BHLHE41: variants seen among roughly 807,000 people sequenced by gnomAD.
The protein encoded by BHLHE41 is class E basic helix-loop-helix protein 41.
Under a neutral mutation model 24.0 loss-of-function variants are expected in BHLHE41, and 14 were observed. The ratio of observed to expected loss-of-function variants is 0.58; its 90% CI spans 0.39 to 0.91. The LOEUF (loss-of-function observed/expected upper bound fraction) is 0.91. Ranked by LOEUF, BHLHE41 falls within the 40% of genes least tolerant of loss-of-function variation. BHLHE41 has a pLI of 0.00. For synonymous variants in BHLHE41, 394 were observed against 315.5 expected (o/e 1.25, Z -2.64); for missense variants, 674 against 655.4 (o/e 1.03, Z -0.31).
In BHLHE41 at chr12:26,122,142, G is replaced by T. The variant is rs1222562481; in HGVS notation, c.1373C>A (p.Ala458Asp). 6.5e-7 allele frequency: 1 copy of T among 1,548,636 alleles called. No individual in the cohort carries two copies. Among genetic ancestry groups the T allele is most frequent in the Admixed American group, 2.0e-5 (1 of 50,916 alleles). ...HPHGRTHLPFAGPREPGNPES... is the reference protein window; with the variant it reads ...HPHGRTHLPFDGPREPGNPES... ...CGGGTTCCCCGGCTCGCGGGGCCCGGCGAAGGGCAGGTGGGTGCGGCCGTG... is the reference window on the plus strand; with the variant it reads ...CGGGTTCCCCGGCTCGCGGGGCCCGTCGAAGGGCAGGTGGGTGCGGCCGTG... Residue 458 changes from alanine to aspartate, a missense_variant, in exon 5 of 5, where the codon GCC (alanine) becomes GAC (aspartate). This residue lies in a region of BHLHE41 where 602 missense variants were observed against 570.8 expected (regional missense o/e 1.05). Coordinates refer to ENST00000242728, the MANE Select transcript of BHLHE41 (RefSeq NM_030762.3).
Position 26,122,949 on chromosome 12 carries a change from C to A in BHLHE41, c.566G>T (p.Gly189Val), listed in dbSNP as rs748033209. 1.3e-6 allele frequency: 2 copies of A among 1,556,402 alleles called. No individual in the cohort carries two copies. Among genetic ancestry groups the A allele is most frequent in the African/African-American group, 2.7e-5 (2 of 73,340 alleles). ...CCCGGCGGCCGAGGGAGCGCCGGTG[C>A]CTTTGCTCAGAGGGACCTGTTGAGT... ...LLTQQVPLSK[G>V]TGAPSAAGSA... Residue 189 changes from glycine (G) to valine (V), a missense_variant, in exon 5 of 5, where the codon GGC becomes GTC. Physicochemically the swap from Gly to Val is moderately radical, Grantham distance 109. Coordinates refer to ENST00000242728, the MANE Select transcript of BHLHE41 (RefSeq NM_030762.3).
chr12:26,123,396 C>G (rs1198438689), intron 4 of BHLHE41, among the ~76,000 whole-genome samples: 1 of 152,064 alleles, frequency 6.6e-6, no homozygotes, highest in South Asian at 2.1e-4. Flanking sequence ...CAAAGTGGAG[C>G]GGGTGCAACC....
At position 26,120,897 on chromosome 12, in the gene BHLHE41, C is replaced by G. The variant is rs1944298007; in HGVS notation, c.*1169G>C. 1 of 152,604 alleles carries G rather than the reference C, an allele frequency of 6.6e-6. No individual in the cohort carries two copies. The highest frequency in any genetic ancestry group is 6.5e-5 in the Admixed American group (1 of 15,286). The allele number at this position is 152,604 out of a possible 1,614,324, so 9.5% of individuals were successfully genotyped here. A position where few individuals can be genotyped will look rare whatever the true frequency, so the allele number is the denominator to read the frequency against. The stretch of plus-strand genomic sequence containing the variant: ...GTGATTATCTGGTATCTGGTTTGGT[C>G]TCCAGAAAATACATAGACTTGGAGA... On this transcript the variant is annotated 3_prime_UTR_variant, in exon 5 of 5. Coordinates refer to ENST00000242728, the MANE Select transcript of BHLHE41 (RefSeq NM_030762.3).
intron 3 of BHLHE41, 57 bp downstream of exon 3, chr12:26,124,015 C>T (rs1944339277): frequency 8.5e-7 from 1 of 1,171,084 alleles, no homozygotes; most frequent in East Asian, 2.3e-5. Flanking sequence ...CTGGGAGTCG[C>T]ACCAGACTAT....
chr12:26,123,669 T>C lies in BHLHE41; in HGVS notation c.307A>G (p.Thr103Ala). ...ATTATCTTCTGATGCTGTTGCTCGG[T>C]TAAGGCGGTTAAAGCTTTTAAGTGT... is the stretch of plus-strand genomic sequence containing the variant. ...LKHLKALTALTEQQHQKIIAL... is the reference protein window; with the variant it reads ...LKHLKALTALAEQQHQKIIAL... The change falls in exon 4 of 5, where the codon ACC (threonine) becomes GCC (alanine). Residue 103 changes from threonine to alanine, a missense_variant. By Grantham distance (58) the Thr-to-Ala change is moderately conservative. Transcript: ENST00000242728. 6.2e-7 allele frequency: 1 copy of C among 1,614,140 alleles called. No homozygotes were observed. Among genetic ancestry groups the C allele is most frequent in the Non-Finnish European group, 8.5e-7 (1 of 1,179,950 alleles).
Position 26,124,502 on chromosome 12 carries a change from C to G in BHLHE41, c.126+17G>C, listed in dbSNP as rs148798085. On this transcript the variant is annotated intron_variant, in intron 2 of 4. Transcript: ENST00000242728. ...TACCCATGCAGGTTATGAGGAATAT[C>G]GGGAACTTACACTTACCTTGGTGTC... The G allele has an allele frequency of 1.4e-5, 23 of 1,611,556 alleles. No homozygotes were observed. The highest frequency in any genetic ancestry group is 8.3e-5 in the Admixed American group (5 of 59,980).
At position 26,123,727 on chromosome 12, in the gene BHLHE41, C is replaced by T. The variant is rs1944336133; in HGVS notation, c.249G>A (p.Leu83=). The T allele has an allele frequency of 1.2e-6, 2 of 1,612,998 alleles. No homozygotes were observed. The highest frequency in any genetic ancestry group is 1.7e-6 in the Non-Finnish European group (2 of 1,179,096). ...EHLKLTTLGH[L]EKAVVLELTL... is the part of the protein sequence containing the mutation. ...TTAATTCCAAGACTACAGCTTTCTC[C>T]AGATGTCCCAGAGTCTGCAGTGGTG... is the stretch of plus-strand genomic sequence containing the variant. Residue 83 remains leucine, a synonymous_variant, in exon 4 of 5, where the codon CTG becomes CTA. Transcript: ENST00000242728.
In BHLHE41 at chr12:26,122,197, G is replaced by C. The variant is rs1017834755; in HGVS notation, c.1318C>G (p.Pro440Ala). Reference sequence around the variant, plus strand: ...TGCTGGGGGTGCGGCGCCCCAAGGGGCGCCACCTCGTGCGGCAGGAGGGTC... The same window carrying C: ...TGCTGGGGGTGCGGCGCCCCAAGGGCCGCCACCTCGTGCGGCAGGAGGGTC... ...AATLLPHEVA[P>A]LGAPHPQHPH... The change falls in exon 5 of 5, where the codon CCC becomes GCC. Residue 440 changes from proline (P) to alanine (A), a missense_variant. By Grantham distance (27) the Pro-to-Ala change is conservative (BLOSUM62 -1). Around this residue, in one of 3 missense-constraint regions of BHLHE41, gnomAD observed 602 missense variants for 570.8 expected, o/e 1.05. Transcript: ENST00000242728. 5.7e-6 allele frequency: 8 copies of C among 1,404,808 alleles called. No individual in the cohort carries two copies. The highest frequency in any genetic ancestry group is 2.9e-5 in the East Asian group (1 of 34,036). The allele number at this position is 1,404,808 out of a possible 1,614,324, so 87.0% of individuals were successfully genotyped here.
Position 26,122,721 on chromosome 12 carries a change from A to C in BHLHE41, c.794T>G (p.Ile265Ser). The change falls in exon 5 of 5, where the codon ATC becomes AGC. Residue 265 changes from isoleucine to serine, a missense_variant. By Grantham distance (142) the Ile-to-Ser change is moderately radical (BLOSUM62 -2). Around this residue, in one of 3 missense-constraint regions of BHLHE41, gnomAD observed 602 missense variants for 570.8 expected, o/e 1.05. Transcript: ENST00000242728. ...GKGAGASRVT[I>S]KQEPPGEDSP... ...GTCCTCCCCGGGAGGCTCCTGCTTG[A>C]TGGTGACGCGGCTCGCCCCCGCGCC... 1 of 1,590,346 alleles carries C rather than the reference A, an allele frequency of 6.3e-7. No homozygotes were observed. Among genetic ancestry groups the C allele is most frequent in the Non-Finnish European group, 8.5e-7 (1 of 1,173,102 alleles).
Position 26,122,800 on chromosome 12 carries a change from C to A in BHLHE41, c.715G>T (p.Asp239Tyr). The A allele has an allele frequency of 6.3e-7, 1 of 1,593,078 alleles. No individual in the cohort carries two copies. Among genetic ancestry groups the A allele is most frequent in the Non-Finnish European group, 8.5e-7 (1 of 1,174,888 alleles). ...ELAAENDTDT[D>Y]SGYGGEAEAR... ...TCGGCTTCGCCGCCGTAGCCGCTGT[C>A]GGTGTCCGTGTCGTTCTCGGCGGCG... The change falls in exon 5 of 5, where the codon GAC (aspartate) becomes TAC (tyrosine). Residue 239 changes from aspartate (D) to tyrosine (Y), a missense_variant. Coordinates refer to ENST00000242728, the MANE Select transcript of BHLHE41 (RefSeq NM_030762.3).
At position 26,122,457 on chromosome 12, in the gene BHLHE41, A is replaced by G; in HGVS notation, c.1058T>C (p.Phe353Ser). The G allele has an allele frequency of 1.5e-6, 2 of 1,353,718 alleles. No individual in the cohort carries two copies. The highest frequency in any genetic ancestry group is 1.6e-5 in the South Asian group (1 of 61,428). 83.9% of individuals were successfully genotyped at this position (1,353,718 alleles called of 1,614,324 possible). ...AAAPFCLPFC[F>S]LSPSAAAAYV... ...GGCGGCAGCTGCAGAAGGCGAGAGG[A>G]AGCAGAAGGGCAGGCAGAAGGGGGC... is the stretch of plus-strand genomic sequence containing the variant. The change falls in exon 5 of 5, where the codon TTC becomes TCC. Residue 353 changes from phenylalanine to serine, a missense_variant. Phe to Ser is a radical substitution (Grantham distance 155). Around this residue, in one of 3 missense-constraint regions of BHLHE41, gnomAD observed 602 missense variants for 570.8 expected, o/e 1.05. Transcript: ENST00000242728.
chr12:26,121,903 T>TA lies in BHLHE41; in HGVS notation c.*162dup. 1.3e-6 allele frequency: 2 copies of TA among 1,516,042 alleles called. No individual in the cohort carries two copies. Among genetic ancestry groups the TA allele is most frequent in the Non-Finnish European group, 1.8e-6 (2 of 1,130,980 alleles). The allele number at this position is 1,516,042 out of a possible 1,614,324, so 93.9% of individuals were successfully genotyped here. ...AAAACAGGAACTCCGAATGTACACA[T>TA]AACACCTGTTTTGTTGTTCTTGTTT... On this transcript the variant is annotated 3_prime_UTR_variant, in exon 5 of 5. Transcript: ENST00000242728.
chr12:26,122,210 C>T lies in BHLHE41; in HGVS notation c.1305G>A (p.Pro435=), dbSNP rs1255414325. The change falls in exon 5 of 5, where the codon CCG becomes CCA. Residue 435 remains proline, a synonymous_variant. Coordinates refer to ENST00000242728, the MANE Select transcript of BHLHE41 (RefSeq NM_030762.3). ...GCGCCCCAAGGGGCGCCACCTCGTG[C>T]GGCAGGAGGGTCGCGGCGGCGGCGC... ...KAGAAAATLL[P]HEVAPLGAPH... 16 of 1,338,826 alleles carry T rather than the reference C, an allele frequency of 1.2e-5. No individual in the cohort carries two copies. The highest frequency in any genetic ancestry group is 6.4e-5 in the South Asian group (3 of 46,900). The allele number at this position is 1,338,826 out of a possible 1,614,324, so 82.9% of individuals were successfully genotyped here.
In BHLHE41 at chr12:26,121,969, C is replaced by G. The variant is rs376436868; in HGVS notation, c.*97G>C. On this transcript the variant is annotated 3_prime_UTR_variant, in exon 5 of 5. Coordinates refer to ENST00000242728, the MANE Select transcript of BHLHE41 (RefSeq NM_030762.3). ...CTATTACACTTCCTCCCTTAAAGAC[C>G]TTAAGGGTATTTTAACTTCTCACTC... 3.2e-5 allele frequency: 49 copies of G among 1,538,556 alleles called. No individual in the cohort carries two copies. Among genetic ancestry groups the G allele is most frequent in the Admixed American group, 3.0e-4 (15 of 50,652 alleles).
rs904951623 is a variant in BHLHE41 at position 26,121,515 on chromosome 12, T to C, written c.*551A>G. On this transcript the variant is annotated 3_prime_UTR_variant, in exon 5 of 5. Coordinates refer to ENST00000242728, the MANE Select transcript of BHLHE41 (RefSeq NM_030762.3). ...ACATTAGAAAATACTGAAGAGTAAATTCAATTCTAAAAGAGCCTCAATCTG... is the reference window on the plus strand; with the variant it reads ...ACATTAGAAAATACTGAAGAGTAAACTCAATTCTAAAAGAGCCTCAATCTG... The C allele has an allele frequency of 6.5e-6, 1 of 153,120 alleles. No homozygotes were observed. The highest frequency in any genetic ancestry group is 1.5e-5 in the Non-Finnish European group (1 of 68,394). 9.5% of individuals were successfully genotyped at this position (153,120 alleles called of 1,614,324 possible).
intron 2 of BHLHE41, 73 bp from the exon 3 acceptor site, chr12:26,124,252 TG>T: frequency 1.1e-6 from 1 of 879,458 alleles, no homozygotes; most frequent in Non-Finnish European, 1.8e-6. Flanking sequence ...TACCCTCGTC[TG>T]CCCCCCCCGC....
chr12:26,121,559 A>G lies in BHLHE41; in HGVS notation c.*507T>C, dbSNP rs1856963639. On this transcript the variant is annotated 3_prime_UTR_variant, in exon 5 of 5. Coordinates refer to ENST00000242728, the MANE Select transcript of BHLHE41 (RefSeq NM_030762.3). Reference sequence around the variant, plus strand: ...CAATCTGTTTGTGGAACGCCTCCTAAAACAGGCAGGGCAGCTTTGAGAACT... The same window carrying G: ...CAATCTGTTTGTGGAACGCCTCCTAGAACAGGCAGGGCAGCTTTGAGAACT... The G allele has an allele frequency of 6.5e-6, 1 of 153,366 alleles. No individual in the cohort carries two copies. Among genetic ancestry groups the G allele is most frequent in the Admixed American group, 6.5e-5 (1 of 15,350 alleles). 9.5% of individuals were successfully genotyped at this position (153,366 alleles called of 1,614,324 possible).
rs765237058 is a variant in BHLHE41 at position 26,122,647 on chromosome 12, C to CGCT, written c.865_867dup (p.Ser289dup). 8.2e-6 allele frequency: 11 copies of CGCT among 1,337,084 alleles called. No homozygotes were observed. The African/African-American group carries it at 1.5e-4, about 18-fold the overall frequency. 82.8% of individuals were successfully genotyped at this position (1,337,084 alleles called of 1,614,324 possible). ...GCCGCGCCGCCCCCCGGGCCGCCGC[C>CGCT]GCTGCCGCCGCCGCGGGAATCCAGC... On this transcript the variant is annotated inframe_insertion, in exon 5 of 5. Transcript: ENST00000242728.
Position 26,122,769 on chromosome 12 carries a change from C to T in BHLHE41, c.746G>A (p.Arg249Gln). The T allele has an allele frequency of 6.3e-7, 1 of 1,590,190 alleles. No individual in the cohort carries two copies. Among genetic ancestry groups the T allele is most frequent in the Non-Finnish European group, 8.5e-7 (1 of 1,174,396 alleles). Residue 249 changes from arginine (R) to glutamine (Q), a missense_variant, in exon 5 of 5, where the codon CGG (arginine) becomes CAG (glutamine). Around this residue, in one of 3 missense-constraint regions of BHLHE41, gnomAD observed 602 missense variants for 570.8 expected, o/e 1.05. Coordinates refer to ENST00000242728, the MANE Select transcript of BHLHE41 (RefSeq NM_030762.3). The part of the protein sequence containing the change: ...DSGYGGEAEA[R>Q]PDREKGKGAG... The stretch of plus-strand genomic sequence containing the variant: ...GCCTTTGCCTTTCTCGCGGTCCGGC[C>T]GGGCCTCGGCTTCGCCGCCGTAGCC...
Sources: allele counts gnomAD v4.1 joint callset (sites outside exome capture counted in the v4.1 genomes callset), GRCh38; gene constraint gnomAD v4.1.1; regional missense constraint gnomAD v4.1.1; transcripts MANE v1.5; gene names NCBI Gene and HGNC (gene_info 2026-07-23, HGNC 2026-07-21).